The following GINS2 variants were observed in gnomAD, a reference collection of about 807,000 sequenced individuals.
The protein encoded by GINS2 is DNA replication complex GINS protein PSF2.
Under a neutral mutation model 21.2 loss-of-function variants are expected in GINS2, and 23 were observed. The ratio of observed to expected loss-of-function variants is 1.08; its 90% CI spans 0.78 to 1.53. The LOEUF is 1.53. Ranked by LOEUF, GINS2 falls within the 40% of genes most tolerant of loss-of-function variation. The probability of loss-of-function intolerance (pLI) is 0.00; values close to 1 mark genes in which losing one functional copy is unlikely to be tolerated. For missense variants in GINS2, 323 were observed against 233.9 expected, an observed-to-expected ratio of 1.38 and a Z score of -2.49; for synonymous variants, 118 against 85.6, an observed-to-expected ratio of 1.38 and a Z score of -2.09.
rs150577454 is a variant in GINS2 at position 85,682,299 on chromosome 16, G to C, written c.206-618C>G. On this transcript the variant is annotated intron_variant, in intron 2 of 4. Coordinates refer to ENST00000253462, the MANE Select transcript of GINS2 (RefSeq NM_016095.3). Reference sequence around the variant, plus strand: ...CGAAGTGCTGGGATTATAGGAGTGAGTCACCTGGTCAGTATTAGACCTTTG... The same window carrying C: ...CGAAGTGCTGGGATTATAGGAGTGACTCACCTGGTCAGTATTAGACCTTTG... Among the ~76,000 whole-genome samples the C allele has an allele frequency of 1.8e-4, 28 of 152,266 alleles. No individual in the cohort carries two copies. In the East Asian group the frequency reaches 5.2e-3, roughly 28 times the overall value.
chr16:85,687,616 CA>C, intron 1 of GINS2, 42 bp from the exon 2 acceptor site: 15 of 1,212,960 alleles, frequency 1.2e-5, no homozygotes, highest in East Asian at 2.5e-5. Context: ...TGAAAAAGAA[CA>C]AAAAAAGCAT....
intron 2 of GINS2, among the ~76,000 whole-genome samples, chr16:85,684,268 A>T (rs1241262072): frequency 1.3e-5 from 2 of 152,176 alleles, no homozygotes; most frequent in Non-Finnish European, 2.9e-5. Context: ...CAGGAGGTGG[A>T]GGTTGCAGTG....
intron 2 of GINS2, among the ~76,000 whole-genome samples, chr16:85,686,950 G>C (rs2053782468): frequency 6.6e-6 from 1 of 152,190 alleles, no homozygotes; most frequent in South Asian, 2.1e-4. Flanking sequence ...TATAGGCTGG[G>C]CACAGTGGCT....
In GINS2 at chr16:85,677,583, T is replaced by TG. The variant is rs1298070686; in HGVS notation, c.*628dup. 1.3e-5 allele frequency: 2 copies of TG among 152,304 alleles called. No individual in the cohort carries two copies. The highest frequency in any genetic ancestry group is 2.9e-5 in the Non-Finnish European group (2 of 68,100). The allele number at this position is 152,304 out of a possible 1,614,324, so 9.4% of individuals were successfully genotyped here. A position where few individuals can be genotyped will look rare whatever the true frequency, so the allele number is the denominator to read the frequency against. On this transcript the variant is annotated 3_prime_UTR_variant, in exon 5 of 5. Transcript: ENST00000253462. ...CTGCAGTTTCCACTTAACTGCCGTG[T>TG]GCCTCAGTTTCGTTGACTGAGTCAT... is the stretch of plus-strand genomic sequence containing the variant.
At chr16:85,681,323 C>T (rs1012468193) in intron 3 of GINS2, among the ~76,000 whole-genome samples, 2 of 152,086 alleles carry the variant, frequency 1.3e-5, no homozygotes, top group Admixed American at 6.5e-5. Context: ...AGGGCTTCAC[C>T]GGGAAGTGGA....
At position 85,676,886 on chromosome 16, in the gene GINS2, C is replaced by G. The variant is rs563869712; in HGVS notation, c.*1326G>C. 3 of 152,198 alleles carry G rather than the reference C, an allele frequency of 2.0e-5. No homozygotes were observed. The highest frequency in any genetic ancestry group is 1.9e-4 in the East Asian group (1 of 5,198). 9.4% of individuals were successfully genotyped at this position (152,198 alleles called of 1,614,324 possible). On this transcript the variant is annotated 3_prime_UTR_variant, in exon 5 of 5. Transcript: ENST00000253462. ...AAGTTAAAATTTTTTTTGTTTGAGA[C>G]AGAGTCTTGCTCTCGTTGCCCAGGC...
intron 4 of GINS2, 85 bp downstream of exon 4, chr16:85,678,455 C>A: frequency 6.4e-7 from 1 of 1,552,736 alleles, no homozygotes; most frequent in Non-Finnish European, 8.8e-7. Flanking sequence ...CTAGTAATGC[C>A]TGCCTGTAAT....
In GINS2 at chr16:85,677,868, C is replaced by T. The variant is rs968794773; in HGVS notation, c.*344G>A. The T allele has an allele frequency of 4.7e-6, 1 of 212,062 alleles. No homozygotes were observed. Among genetic ancestry groups the T allele is most frequent in the Non-Finnish European group, 9.5e-6 (1 of 104,914 alleles). 13.1% of individuals were successfully genotyped at this position (212,062 alleles called of 1,614,324 possible). On this transcript the variant is annotated 3_prime_UTR_variant, in exon 5 of 5. Coordinates refer to ENST00000253462, the MANE Select transcript of GINS2 (RefSeq NM_016095.3). Reference sequence around the variant, plus strand: ...CCACTCCTGCTGTATCTACACCTACCAGTCACTGAACACCTGCCCAAGTGT... The same window carrying T: ...CCACTCCTGCTGTATCTACACCTACTAGTCACTGAACACCTGCCCAAGTGT...
intron 2 of GINS2, among the ~76,000 whole-genome samples, 188 bp from the exon 3 acceptor site, chr16:85,681,869 T>C (rs1006659838): frequency 6.6e-6 from 1 of 152,136 alleles, no homozygotes; most frequent in African/African-American, 2.4e-5. Flanking sequence ...TGAAACTTTC[T>C]CTCCAAAAGA....
chr16:85,680,411 G>C (rs2053721604), intron 3 of GINS2, among the ~76,000 whole-genome samples: 1 of 152,182 alleles, frequency 6.6e-6, no homozygotes, highest in African/African-American at 2.4e-5. Context: ...CTTGAACCCA[G>C]TTAAAGGATA....
rs370361738 is a variant in GINS2, at chr16:85,681,599, C to G, written c.288G>C (p.Thr96=). The part of the protein sequence containing the change: ...PMPSPYYMEL[T]KLLLNHASDN... ...CTACTTACTGATTTAACAGGAGCTT[C>G]GTAAGTTCCATGTAGTAAGGGCTGG... The change falls in exon 3 of 5, where the codon ACG becomes ACC. Residue 96 remains threonine (T), a synonymous_variant. Transcript: ENST00000253462. The G allele has an allele frequency of 1.2e-6, 2 of 1,603,202 alleles. No individual in the cohort carries two copies. The highest frequency in any genetic ancestry group is 1.7e-6 in the Non-Finnish European group (2 of 1,170,326).
At chr16:85,687,094 G>A (rs750912525) in intron 2 of GINS2, among the ~76,000 whole-genome samples, 1 of 152,212 alleles carries the variant, frequency 6.6e-6, no homozygotes, top group African/African-American at 2.4e-5. Flanking sequence ...GGTGGCGCAC[G>A]CCAGTGGTCC....
rs911448997 is a variant in GINS2, at chr16:85,688,812, G to A, written c.87C>T (p.Ile29=). 3.3e-6 allele frequency: 5 copies of A among 1,528,128 alleles called. No individual in the cohort carries two copies. The highest frequency in any genetic ancestry group is 4.4e-6 in the Non-Finnish European group (5 of 1,133,930). The allele number at this position is 1,528,128 out of a possible 1,614,324, so 94.7% of individuals were successfully genotyped here. ...PNFSLDKIYL[I]GGDLGPFNPG... ...CCACGGCGGGCCCAGGCCTCACCCC[G>A]ATGAGGTAGATCTTGTCCAGACTGA... The change falls in exon 1 of 5, where the codon ATC becomes ATT. Residue 29 remains isoleucine (I), a synonymous_variant. Coordinates refer to ENST00000253462, the MANE Select transcript of GINS2 (RefSeq NM_016095.3).
At chr16:85,678,774 A>AGTCTGG in intron 3 of GINS2, 108 bp from the exon 4 acceptor site, 1 of 1,086,408 alleles carries the variant, frequency 9.2e-7, no homozygotes, top group Non-Finnish European at 1.4e-6. Flanking sequence ...CCAGACTCAG[A>AGTCTGG]AAGTCTGTTT....
rs753987235 is a variant in GINS2 at position 85,678,588 on chromosome 16, G to C, written c.384C>G (p.Leu128=). ...KDMWDTRIAK[L]RVSADSFVRQ... ...TCACAAAGCTGTCAGCAGACACTCG[G>C]AGTTTGGCTATACGAGTGTCCCACA... Residue 128 remains leucine (L), a synonymous_variant, in exon 4 of 5, where the codon CTC becomes CTG. Coordinates refer to ENST00000253462, the MANE Select transcript of GINS2 (RefSeq NM_016095.3). 6.2e-7 allele frequency: 1 copy of C among 1,613,868 alleles called. No homozygotes were observed. Among genetic ancestry groups the C allele is most frequent in the Non-Finnish European group, 8.5e-7 (1 of 1,179,840 alleles).
Position 85,677,763 on chromosome 16 carries a change from T to G in GINS2, c.*449A>C, listed in dbSNP as rs2053692917. 1 of 159,600 alleles carries G rather than the reference T, an allele frequency of 6.3e-6. No homozygotes were observed. The highest frequency in any genetic ancestry group is 6.0e-5 in the Admixed American group (1 of 16,758). The allele number at this position is 159,600 out of a possible 1,614,324, so 9.9% of individuals were successfully genotyped here. On this transcript the variant is annotated 3_prime_UTR_variant, in exon 5 of 5. Transcript: ENST00000253462. ...CTGCACCATCTGCCATCCTTCTCTGTGAGCCACCTCTGTGAGAGAGTCTAA... is the reference window on the plus strand; with the variant it reads ...CTGCACCATCTGCCATCCTTCTCTGGGAGCCACCTCTGTGAGAGAGTCTAA...
chr16:85,682,953 A>G (rs974152447), intron 2 of GINS2, among the ~76,000 whole-genome samples: 1 of 151,714 alleles, frequency 6.6e-6, no homozygotes, highest in Non-Finnish European at 1.5e-5. Context: ...GCCTCAACCC[A>G]CCACCCACCT....
At chr16:85,682,546 C>G (rs1008422378) in intron 2 of GINS2, among the ~76,000 whole-genome samples, 12 of 150,818 alleles carry the variant, frequency 8.0e-5, no homozygotes, top group African/African-American at 2.4e-4. Context: ...GTTAAGCCAC[C>G]CTGGCCTGGG....
intron 2 of GINS2, among the ~76,000 whole-genome samples, chr16:85,683,162 T>C (rs1369685056): frequency 6.6e-6 from 1 of 151,982 alleles, no homozygotes; most frequent in Non-Finnish European, 1.5e-5. Context: ...AACACACTAA[T>C]AGATATAGCC....
Sources: gnomAD v4.1 joint callset for allele counts (sites outside exome capture counted in the v4.1 genomes callset) on GRCh38, gnomAD v4.1.1 for gene constraint, MANE v1.5 for transcripts, NCBI Gene and HGNC (gene_info 2026-07-23, HGNC 2026-07-21) for gene names.